RSL1D1: variants seen among roughly 807,000 people sequenced by gnomAD.
The protein encoded by RSL1D1 is ribosomal L1 domain containing 1, also known as ribosomal L1 domain-containing protein 1.
RSL1D1 carries 34 observed loss-of-function variants against 44.6 expected under a neutral mutation model. That is an observed-to-expected ratio of 0.76 (90% CI 0.58 to 1.02). RSL1D1 has a LOEUF of 1.02. RSL1D1 is among the 50% of genes least tolerant of loss of function. RSL1D1 has a pLI of 0.00. For missense variants in RSL1D1, 767 were observed against 568.1 expected (o/e 1.35, Z -3.56); for synonymous variants, 271 against 207.4 (o/e 1.31, Z -2.63).
rs754402168 is a variant in RSL1D1, at chr16:11,846,463, A to G, written c.635+38T>C. 3 of 1,021,842 alleles carry G rather than the reference A, an allele frequency of 2.9e-6. No individual in the cohort carries two copies. In the African/African-American group the frequency reaches 4.9e-5, roughly 17 times the overall value. 63.3% of individuals were successfully genotyped at this position (1,021,842 alleles called of 1,614,324 possible). On this transcript the variant is annotated intron_variant, in intron 5 of 8. Coordinates refer to ENST00000571133, the MANE Select transcript of RSL1D1 (RefSeq NM_015659.3). ...TATATATAAAATCATTGTCAAATACAAGATTAAAAGAGGCACACATGAATG... is the reference window on the plus strand; with the variant it reads ...TATATATAAAATCATTGTCAAATACGAGATTAAAAGAGGCACACATGAATG...
intron 5 of RSL1D1, among the ~76,000 whole-genome samples, chr16:11,843,866 T>C (rs2053780890): frequency 3.0e-5 from 2 of 66,482 alleles, no homozygotes; most frequent in Admixed American, 2.1e-4. Context: ...GCAAGAACTC[T>C]GTCTCAAAAA....
intron 1 of RSL1D1, 58 bp downstream of exon 1, chr16:11,851,350 C>A: frequency 4.0e-6 from 6 of 1,516,184 alleles, no homozygotes; most frequent in Non-Finnish European, 5.5e-6. Context: ...CGGCACCCTG[C>A]GCCTCACGAG....
At chr16:11,842,358 CA>C (rs960827330) in intron 5 of RSL1D1, among the ~76,000 whole-genome samples, 36 of 151,520 alleles carry the variant, frequency 2.4e-4, no homozygotes, top group African/African-American at 8.0e-4. Flanking sequence ...AAAAAACAAA[CA>C]AAAAAATCCC....
rs1194817267 is a variant in RSL1D1, at chr16:11,841,783, T to C, written c.767A>G (p.Glu256Gly). 6.2e-7 allele frequency: 1 copy of C among 1,614,000 alleles called. No homozygotes were observed. Among genetic ancestry groups the C allele is most frequent in the East Asian group, 2.2e-5 (1 of 44,884 alleles). The change falls in exon 7 of 9, where the codon GAG becomes GGG. Residue 256 changes from glutamate to glycine, a missense_variant. By Grantham distance (98) the Glu-to-Gly change is moderately conservative. Transcript: ENST00000571133. Reference protein sequence around the residue: ...ESVKLLFVKTEKSAALPIFSS... With the variant: ...ESVKLLFVKTGKSAALPIFSS... ...AAAGATGGGAAGTGCAGCCGATTTC[T>C]CAGTTTTCACAAACAGGAGTTTCAC...
Position 11,850,354 on chromosome 16 carries a change from A to G in RSL1D1, c.170T>C (p.Leu57Pro). 2.5e-6 allele frequency: 4 copies of G among 1,601,934 alleles called. No homozygotes were observed. The highest frequency in any genetic ancestry group is 1.1e-5 in the South Asian group (1 of 87,734). ...AAATAAACTTTCATTCTCATTCAAA[A>G]GCAACCCATAATTGTTTTTCCTGGA... ...CKSRKNNYGL[L>P]LNENESLFLM... is the part of the protein sequence containing the mutation. Residue 57 changes from leucine to proline, a missense_variant, in exon 2 of 9, where the codon CTT becomes CCT. Leu to Pro is a moderately conservative substitution (Grantham distance 98). Coordinates refer to ENST00000571133, the MANE Select transcript of RSL1D1 (RefSeq NM_015659.3).
chr16:11,837,971 T>C lies in RSL1D1; in HGVS notation c.1289A>G (p.Lys430Arg). Residue 430 changes from lysine (K) to arginine (R), a missense_variant, in exon 9 of 9, where the codon AAG becomes AGG. Physicochemically the swap from Lys to Arg is conservative, Grantham distance 26. Transcript: ENST00000571133. ...TGCCTCTTCTTTGATTTTTGGCTTC[T>C]TCTCTGGGCTTTTCCCTGGGGTCTC... The part of the protein sequence containing the change: ...ESETPGKSPE[K>R]KPKIKEEAVK... 1 of 1,614,134 alleles carries C rather than the reference T, an allele frequency of 6.2e-7. No homozygotes were observed. Among genetic ancestry groups the C allele is most frequent in the Non-Finnish European group, 8.5e-7 (1 of 1,180,032 alleles).
At chr16:11,841,655 C>T in intron 7 of RSL1D1, 40 bp downstream of exon 7, 1 of 1,572,846 alleles carries the variant, frequency 6.4e-7, no homozygotes, top group Non-Finnish European at 8.7e-7. Flanking sequence ...AATTTACACC[C>T]TTCATTATTC....
At chr16:11,846,871 A>C in intron 3 of RSL1D1, 28 bp from the exon 4 acceptor site, 3 of 1,555,496 alleles carry the variant, frequency 1.9e-6, no homozygotes, top group Non-Finnish European at 2.6e-6. Context: ...GAATAAAAAC[A>C]AGAAGTTAGG....
rs1332726145 is a variant in RSL1D1, at chr16:11,836,771, G to A, written c.*1016C>T. 1 of 152,152 alleles carries A rather than the reference G, an allele frequency of 6.6e-6. No individual in the cohort carries two copies. The highest frequency in any genetic ancestry group is 1.5e-5 in the Non-Finnish European group (1 of 68,044). 9.4% of individuals were successfully genotyped at this position (152,152 alleles called of 1,614,324 possible). Reference sequence around the variant, plus strand: ...CCAACAAGCTCAGCATGAAAGCCAAGAAACTTCTGTTTCTCCTAAATTCCG... The same window carrying A: ...CCAACAAGCTCAGCATGAAAGCCAAAAAACTTCTGTTTCTCCTAAATTCCG... On this transcript the variant is annotated 3_prime_UTR_variant, in exon 9 of 9. Transcript: ENST00000571133.
At chr16:11,851,292 G>A in intron 1 of RSL1D1, 116 bp downstream of exon 1, 2 of 978,164 alleles carry the variant, frequency 2.0e-6, no homozygotes, top group South Asian at 1.3e-5. Flanking sequence ...GCCCGCCAGC[G>A]ACCGTCCCAC....
At chr16:11,845,093 T>C (rs904627158) in intron 5 of RSL1D1, among the ~76,000 whole-genome samples, 1 of 152,188 alleles carries the variant, frequency 6.6e-6, no homozygotes, top group Non-Finnish European at 1.5e-5. Context: ...GCTGAATTCA[T>C]TTAATAGGAA....
chr16:11,843,871 C>CCA (rs2053781042), intron 5 of RSL1D1, among the ~76,000 whole-genome samples: 1 of 53,560 alleles, frequency 1.9e-5, no homozygotes, highest in East Asian at 7.4e-4. Context: ...AACTCTGTCT[C>CCA]AAAAAAAAAA....
rs534067797 is a variant in RSL1D1 at position 11,846,205 on chromosome 16, A to T, written c.635+296T>A. On this transcript the variant is annotated intron_variant, in intron 5 of 8. Coordinates refer to ENST00000571133, the MANE Select transcript of RSL1D1 (RefSeq NM_015659.3). ...CAGGAGATCGAGATCATCCTGGCTA[A>T]CTCGGTGAAACCCTGTCTCTACTAA... 2.6e-5 allele frequency among the ~76,000 whole-genome samples: 4 copies of T among 151,586 alleles called. No homozygotes were observed. In the South Asian group the frequency reaches 8.3e-4, roughly 32 times the overall value.
rs911795937 is a variant in RSL1D1, at chr16:11,837,469, G to A, written c.*318C>T. 8.2e-5 allele frequency: 16 copies of A among 193,944 alleles called. No individual in the cohort carries two copies. In the East Asian group the frequency reaches 2.0e-3, roughly 25 times the overall value. 12.0% of individuals were successfully genotyped at this position (193,944 alleles called of 1,614,324 possible). The stretch of plus-strand genomic sequence containing the variant: ...AGGTTCAAGCAATTCTCCTGCCTCA[G>A]CCTCCCTAGTAGCTGGGATTACAGG... On this transcript the variant is annotated 3_prime_UTR_variant, in exon 9 of 9. Transcript: ENST00000571133.
Position 11,847,711 on chromosome 16 carries a change from T to TA in RSL1D1, c.340dup (p.Tyr114LeufsTer2), listed in dbSNP as rs1199631084. ...TCCATGCTTGTTTAAAAGCTTTCTATAAAACTGTTCTGTCTTTTCAGGAGT... is the reference window on the plus strand; with the variant it reads ...TCCATGCTTGTTTAAAAGCTTTCTATAAAAACTGTTCTGTCTTTTCAGGAGT... On this transcript the variant is annotated frameshift_variant, in exon 3 of 9. Transcript: ENST00000571133. LOFTEE classifies it high-confidence loss of function. The TA allele has an allele frequency of 1.2e-6, 2 of 1,613,338 alleles. No homozygotes were observed. The highest frequency in any genetic ancestry group is 3.3e-5 in the Admixed American group (2 of 59,888).
chr16:11,847,956 A>G lies in RSL1D1; in HGVS notation c.246-150T>C, dbSNP rs915334095. On this transcript the variant is annotated intron_variant, in intron 2 of 8. Transcript: ENST00000571133. ...AATAATGCACCAAGAACAACACTTA[A>G]AAATACATTTCATGGCCGGTAGTAG... The G allele has an allele frequency of 1.7e-5, 14 of 807,506 alleles. No homozygotes were observed. In the Admixed American group the frequency reaches 3.9e-4, roughly 22 times the overall value. 50.0% of individuals were successfully genotyped at this position (807,506 alleles called of 1,614,324 possible).
rs1488347517 is a variant in RSL1D1 at position 11,837,884 on chromosome 16, T to C, written c.1376A>G (p.Glu459Gly). The C allele has an allele frequency of 6.2e-7, 1 of 1,614,106 alleles. No individual in the cohort carries two copies. Among genetic ancestry groups the C allele is most frequent in the Non-Finnish European group, 8.5e-7 (1 of 1,180,016 alleles). Residue 459 changes from glutamate to glycine, a missense_variant, in exon 9 of 9, where the codon GAG becomes GGG. Coordinates refer to ENST00000571133, the MANE Select transcript of RSL1D1 (RefSeq NM_015659.3). ...KDARQTPKKP[E>G]AKFFTTPSKS... The stretch of plus-strand genomic sequence containing the variant: ...ACTAGGAGTGGTGAAAAACTTGGCC[T>C]CTGGCTTTTTTGGAGTCTGTCTCGC...
intron 7 of RSL1D1, 98 bp from the exon 8 acceptor site, chr16:11,840,083 C>T: frequency 6.6e-7 from 1 of 1,510,310 alleles, no homozygotes; most frequent in Non-Finnish European, 8.8e-7. Flanking sequence ...ATCCATAAGC[C>T]CCTAAATGGA....
intron 5 of RSL1D1, among the ~76,000 whole-genome samples, chr16:11,845,648 G>A (rs2053792453): frequency 1.3e-5 from 2 of 152,096 alleles, no homozygotes; most frequent in East Asian, 1.9e-4. Flanking sequence ...CCTACTGTAT[G>A]AGACAGCACA....
Sources: gnomAD v4.1 joint callset for allele counts (sites outside exome capture counted in the v4.1 genomes callset) on GRCh38, gnomAD v4.1.1 for gene constraint, MANE v1.5 for transcripts, NCBI Gene and HGNC (gene_info 2026-07-23, HGNC 2026-07-21) for gene names.